The following RABGAP1L variants were observed in gnomAD, a reference collection of about 807,000 sequenced individuals.
RABGAP1L encodes the protein rab GTPase-activating protein 1-like.
RABGAP1L carries 63 observed loss-of-function variants against 137.7 expected under a neutral mutation model. That is an observed-to-expected ratio of 0.46 (90% CI 0.37 to 0.56). The LOEUF (loss-of-function observed/expected upper bound fraction) is 0.56, where lower values mean the gene tolerates loss of function less well. Among genes scored for constraint, RABGAP1L ranks in the 20% least tolerant of loss-of-function variants. The pLI, the probability that RABGAP1L is intolerant of heterozygous loss-of-function variation, is 0.00. For missense variants in RABGAP1L, 1,095 were observed against 1,244.0 expected, an observed-to-expected ratio of 0.88 and a Z score of 1.80; for synonymous variants, 431 against 433.7, an observed-to-expected ratio of 0.99 and a Z score of 0.08.
chr1:174,650,330 A>G (rs1311398896), intron 14 of RABGAP1L, among the ~76,000 whole-genome samples: 1 of 152,122 alleles, frequency 6.6e-6, no homozygotes, highest in African/African-American at 2.4e-5. Flanking sequence ...CTTTGGTATC[A>G]GGATGATGCT....
chr1:174,597,269 T>C (rs915976513), intron 13 of RABGAP1L, among the ~76,000 whole-genome samples: 2 of 152,222 alleles, frequency 1.3e-5, no homozygotes, highest in African/African-American at 2.4e-5. Context: ...CCATTATTTT[T>C]TGGAATAGTT....
intron 21 of RABGAP1L, among the ~76,000 whole-genome samples, chr1:174,970,857 G>A (rs1490057082): frequency 6.6e-6 from 1 of 152,122 alleles, no homozygotes; most frequent in African/African-American, 2.4e-5. Context: ...ATGACAGTTT[G>A]ACTGTAAAAT....
intron 14 of RABGAP1L, among the ~76,000 whole-genome samples, chr1:174,673,431 G>A (rs1677336278): frequency 1.3e-5 from 2 of 152,020 alleles, no homozygotes; most frequent in African/African-American, 4.8e-5. Flanking sequence ...ATCTGAAAGA[G>A]TTTACAAAAT....
chr1:174,800,057 A>G, intron 18 of RABGAP1L: 8 of 1,241,332 alleles, frequency 6.4e-6, no homozygotes, highest in Non-Finnish European at 8.1e-6. Flanking sequence ...CTCCTGCATC[A>G]CTCTTGGCCA....
chr1:174,697,155 A>T (rs1365694648), intron 15 of RABGAP1L, among the ~76,000 whole-genome samples: 1 of 152,216 alleles, frequency 6.6e-6, no homozygotes, highest in Non-Finnish European at 1.5e-5. Context: ...TATATGTATG[A>T]ATGCCAAAAG....
intron 13 of RABGAP1L, among the ~76,000 whole-genome samples, chr1:174,529,011 A>C (rs1300877822): frequency 6.8e-6 from 1 of 146,150 alleles, no homozygotes; most frequent in Non-Finnish European, 1.5e-5. Flanking sequence ...TTTTAATGAT[A>C]TCTATCTCTT....
At position 174,263,163 on chromosome 1, in the gene RABGAP1L, G is replaced by T. The variant is rs1673745752; in HGVS notation, c.987-9251G>T. 2.6e-5 allele frequency among the ~76,000 whole-genome samples: 4 copies of T among 152,264 alleles called. No individual in the cohort carries two copies. In the South Asian group the frequency reaches 6.2e-4, roughly 24 times the overall value. ...GACTCTGGAAGCCCTGATTTCCTTT[G>T]CCCACCTGCCTGCCAGCCTTTGCTG... On this transcript the variant is annotated intron_variant, in intron 7 of 25. Coordinates refer to ENST00000681986, the MANE Select transcript of RABGAP1L (RefSeq NM_001366446.1).
At chr1:174,219,072 G>A in intron 1 of RABGAP1L, 53 bp from the exon 2 acceptor site, 1 of 1,300,844 alleles carries the variant, frequency 7.7e-7, no homozygotes. Context: ...TTTTTAATTA[G>A]TTCATGTTTT....
chr1:174,406,123 T>A (rs1253959140), intron 13 of RABGAP1L, among the ~76,000 whole-genome samples: 2 of 152,204 alleles, frequency 1.3e-5, no homozygotes, highest in Admixed American at 6.5e-5. Context: ...ATAATTTAAA[T>A]CAAATTTTCT....
intron 13 of RABGAP1L, among the ~76,000 whole-genome samples, chr1:174,546,253 T>C (rs966896242): frequency 5.9e-5 from 9 of 152,306 alleles, no homozygotes; most frequent in South Asian, 2.1e-4. Flanking sequence ...GTGAAGAGTA[T>C]ACTATAACCA....
intron 1 of RABGAP1L, among the ~76,000 whole-genome samples, chr1:174,192,561 A>T (rs1263079508): frequency 6.6e-6 from 1 of 152,088 alleles, no homozygotes; most frequent in Non-Finnish European, 1.5e-5. Context: ...ACCTCAGGTG[A>T]TCCACCTGTC....
At chr1:174,618,131 A>G (rs961181623) in intron 13 of RABGAP1L, among the ~76,000 whole-genome samples, 11 of 152,176 alleles carry the variant, frequency 7.2e-5, no homozygotes, top group Non-Finnish European at 1.2e-4. Context: ...GAGTAGGTAA[A>G]CAAAGCGGCT....
chr1:174,602,837 G>T (rs1379937620), intron 13 of RABGAP1L, among the ~76,000 whole-genome samples: 1 of 152,060 alleles, frequency 6.6e-6, no homozygotes, highest in Non-Finnish European at 1.5e-5. Context: ...ATAGGATTCT[G>T]AATTCTTTTT....
chr1:174,756,204 G>A (rs535253192), intron 18 of RABGAP1L, among the ~76,000 whole-genome samples: 14 of 152,162 alleles, frequency 9.2e-5, no homozygotes, highest in Non-Finnish European at 1.6e-4. Context: ...GCTGCAGAGC[G>A]GTGGCACAAT....
chr1:174,965,687 A>G (rs938626864), intron 20 of RABGAP1L, among the ~76,000 whole-genome samples: 1 of 152,106 alleles, frequency 6.6e-6, no homozygotes, highest in Non-Finnish European at 1.5e-5. Flanking sequence ...ACTTTGGAGG[A>G]TGATACTGCA....
intron 1 of RABGAP1L, among the ~76,000 whole-genome samples, chr1:174,207,314 A>G (rs768954370): frequency 6.6e-5 from 10 of 152,214 alleles, no homozygotes; most frequent in Admixed American, 1.3e-4. Flanking sequence ...TCACTAGAAC[A>G]GTGAGCTTCA....
intron 17 of RABGAP1L, among the ~76,000 whole-genome samples, chr1:174,742,766 A>G (rs1275031882): frequency 6.6e-6 from 1 of 152,204 alleles, no homozygotes; most frequent in Non-Finnish European, 1.5e-5. Context: ...ACTTAAGAGA[A>G]TTTGAGAAGA....
intron 18 of RABGAP1L, among the ~76,000 whole-genome samples, chr1:174,805,388 T>C (rs1451960701): frequency 6.6e-6 from 1 of 152,258 alleles, no homozygotes; most frequent in Non-Finnish European, 1.5e-5. Context: ...CTTTGAAATG[T>C]AATTGGTAAA....
intron 13 of RABGAP1L, among the ~76,000 whole-genome samples, chr1:174,431,696 A>G (rs912182260): frequency 6.6e-6 from 1 of 152,206 alleles, no homozygotes; most frequent in Non-Finnish European, 1.5e-5. Flanking sequence ...AGAGTTATGT[A>G]TTATTTTTAA....
Sources: allele counts gnomAD v4.1 joint callset (sites outside exome capture counted in the v4.1 genomes callset), GRCh38; gene constraint gnomAD v4.1.1; transcripts MANE v1.5; gene names NCBI Gene and HGNC (gene_info 2026-07-23, HGNC 2026-07-21).